Variants in CHCHD6 observed in about 807,000 individuals in gnomAD.
The protein encoded by CHCHD6 is coiled-coil-helix-coiled-coil-helix domain containing 6.
In CHCHD6, 28 loss-of-function variants were observed where a neutral mutation model predicts 32.3. The observed-to-expected ratio is 0.87, with a 90% CI of 0.64 to 1.19. The LOEUF is 1.19. Among genes scored for constraint, CHCHD6 ranks in the 50% most tolerant of loss-of-function variants. The probability of loss-of-function intolerance (pLI) is 0.00; values close to 1 mark genes in which losing one functional copy is unlikely to be tolerated. For missense variants in CHCHD6, 333 were observed against 307.0 expected, an observed-to-expected ratio of 1.08 and a Z score of -0.63; for synonymous variants, 122 against 117.5, an observed-to-expected ratio of 1.04 and a Z score of -0.25.
chr3:126,946,661 G>A (rs2078644089), intron 6 of CHCHD6, among the ~76,000 whole-genome samples: 2 of 152,296 alleles, frequency 1.3e-5, no homozygotes, highest in Middle Eastern at 3.4e-3. Flanking sequence ...GTGGCACATC[G>A]TCAATAGCAG....
intron 4 of CHCHD6, among the ~76,000 whole-genome samples, chr3:126,743,438 C>T (rs574038580): frequency 6.6e-6 from 1 of 152,182 alleles, no homozygotes; most frequent in South Asian, 2.1e-4. Flanking sequence ...AGCTGGACAT[C>T]CTCATTAGCT....
At chr3:126,790,823 T>C (rs1211158241) in intron 4 of CHCHD6, among the ~76,000 whole-genome samples, 1 of 152,218 alleles carries the variant, frequency 6.6e-6, no homozygotes, top group African/African-American at 2.4e-5. Flanking sequence ...TCTCTCAAGT[T>C]GTCAAAGTCA....
chr3:126,863,767 TC>T (rs780406105), intron 5 of CHCHD6, among the ~76,000 whole-genome samples: 18 of 128,018 alleles, frequency 1.4e-4, no homozygotes, highest in Non-Finnish European at 2.6e-4. Context: ...CACCATCACC[TC>T]CTCCTCCACC....
intron 4 of CHCHD6, among the ~76,000 whole-genome samples, chr3:126,836,156 C>G (rs1940852898): frequency 1.3e-5 from 2 of 152,250 alleles, no homozygotes; most frequent in African/African-American, 4.8e-5. Context: ...CACCACCTCA[C>G]CAGGGCTGCA....
At chr3:126,942,293 A>G (rs9828500) in intron 6 of CHCHD6, among the ~76,000 whole-genome samples, 5,314 of 152,216 alleles carry the variant, frequency 0.035, 316 homozygotes, top group African/African-American at 0.12. Context: ...GTGTTTGCTT[A>G]GTATTTTGTG....
chr3:126,724,758 T>C (rs1935457379), intron 1 of CHCHD6, among the ~76,000 whole-genome samples: 1 of 152,226 alleles, frequency 6.6e-6, no homozygotes, highest in African/African-American at 2.4e-5. Flanking sequence ...TATGATCCTA[T>C]TCTAAATCCT....
At chr3:126,708,538 G>T (rs1383877520) in intron 1 of CHCHD6, among the ~76,000 whole-genome samples, 2 of 151,710 alleles carry the variant, frequency 1.3e-5, no homozygotes, top group Admixed American at 6.6e-5. Flanking sequence ...ACCAACAGTT[G>T]TAAGCCAGGT....
chr3:126,911,850 A>C (rs1164789327), intron 5 of CHCHD6, among the ~76,000 whole-genome samples: 1 of 152,222 alleles, frequency 6.6e-6, no homozygotes, highest in Non-Finnish European at 1.5e-5. Flanking sequence ...GAAGGTTGGC[A>C]ACAGGTGCCT....
rs928158449 is a variant in CHCHD6 at position 126,714,041 on chromosome 3, C to T, written c.87+9642C>T. Among the ~76,000 whole-genome samples, 3 of 134,222 alleles carry T rather than the reference C, an allele frequency of 2.2e-5. No homozygotes were observed. In the Admixed American group the frequency reaches 2.6e-4, roughly 11 times the overall value. 88.1% of individuals were successfully genotyped at this position (134,222 alleles called of 152,430 possible). A position where few individuals can be genotyped will look rare whatever the true frequency, so the allele number is the denominator to read the frequency against. ...GCAGTGAGCTGAGATCGCACCACTG[C>T]ACTCCAGCCTGGGCGACAGAGCCAG... On this transcript the variant is annotated intron_variant, in intron 1 of 7. Transcript: ENST00000290913.
At chr3:126,816,388 T>C (rs1939899842) in intron 4 of CHCHD6, among the ~76,000 whole-genome samples, 1 of 152,204 alleles carries the variant, frequency 6.6e-6, no homozygotes, top group African/African-American at 2.4e-5. Context: ...ATTGTTTGGC[T>C]CTGTTTTTGT....
intron 4 of CHCHD6, chr3:126,767,073 A>G: frequency 9.2e-7 from 1 of 1,084,096 alleles, no homozygotes; most frequent in African/African-American, 1.5e-5. Context: ...CTGTAGTTGT[A>G]CTCTGTCCGC....
intron 5 of CHCHD6, among the ~76,000 whole-genome samples, chr3:126,863,404 T>A (rs1942042802): frequency 4.0e-5 from 4 of 98,792 alleles, no homozygotes; most frequent in African/African-American, 8.5e-5. Flanking sequence ...CTCCTCCTCC[T>A]CCTCTACCAT....
intron 5 of CHCHD6, among the ~76,000 whole-genome samples, chr3:126,913,192 G>A (rs955759777): frequency 7.9e-6 from 1 of 126,102 alleles, no homozygotes; most frequent in Non-Finnish European, 1.6e-5. Flanking sequence ...GGATAATCAT[G>A]CTGCCCGTAT....
chr3:126,954,622 A>G (rs1055588801), intron 6 of CHCHD6, among the ~76,000 whole-genome samples: 3 of 152,196 alleles, frequency 2.0e-5, no homozygotes, highest in Admixed American at 1.3e-4. Context: ...TGAGCCACTC[A>G]CCATGACACA....
chr3:126,806,230 A>C (rs548220148), intron 4 of CHCHD6, among the ~76,000 whole-genome samples: 208 of 152,314 alleles, frequency 1.4e-3, no homozygotes, highest in African/African-American at 4.7e-3. Context: ...GAGCTTCTGC[A>C]CAGCAAAAGA....
At chr3:126,781,071 A>G (rs1259994356) in intron 4 of CHCHD6, among the ~76,000 whole-genome samples, 4 of 152,180 alleles carry the variant, frequency 2.6e-5, no homozygotes, top group Non-Finnish European at 5.9e-5. Flanking sequence ...TAGGATTACC[A>G]TGGTTTCACT....
intron 4 of CHCHD6, among the ~76,000 whole-genome samples, chr3:126,822,791 T>G (rs1397048816): frequency 6.6e-6 from 1 of 152,254 alleles, no homozygotes; most frequent in Non-Finnish European, 1.5e-5. Context: ...CACTTGACTC[T>G]GTATGTGTGG....
chr3:126,910,929 G>A (rs1298728568), intron 5 of CHCHD6, among the ~76,000 whole-genome samples: 1 of 152,112 alleles, frequency 6.6e-6, no homozygotes, highest in Non-Finnish European at 1.5e-5. Flanking sequence ...ACAAGGACGG[G>A]GTGCACAGAG....
chr3:126,818,923 A>G (rs531728421), intron 4 of CHCHD6, among the ~76,000 whole-genome samples: 1 of 152,214 alleles, frequency 6.6e-6, no homozygotes, highest in Non-Finnish European at 1.5e-5. Flanking sequence ...TCCTAGGCCT[A>G]CGTGGCAACT....
Sources: allele counts gnomAD v4.1 joint callset (sites outside exome capture counted in the v4.1 genomes callset), GRCh38; gene constraint gnomAD v4.1.1; transcripts MANE v1.5; gene names NCBI Gene and HGNC (gene_info 2026-07-23, HGNC 2026-07-21).